Variants in CTDSPL2 observed in about 807,000 individuals in gnomAD.
CTDSPL2 encodes the protein CTD small phosphatase like 2.
Under a neutral mutation model 60.0 loss-of-function variants are expected in CTDSPL2, and 5 were observed. The ratio of observed to expected loss-of-function variants is 0.08; its 90% CI spans 0.04 to 0.18. The LOEUF (loss-of-function observed/expected upper bound fraction) is 0.18, where lower values mean the gene tolerates loss of function less well. Ranked by LOEUF, CTDSPL2 falls within the 10% of genes least tolerant of loss-of-function variation. The pLI is 1.00. For synonymous variants in CTDSPL2, 186 were observed against 189.3 expected (o/e 0.98, Z 0.14); for missense variants, 370 against 548.8 (o/e 0.67, Z 3.26).
At chr15:44,508,572 A>G (rs919659703) in intron 8 of CTDSPL2, among the ~76,000 whole-genome samples, 9 of 152,120 alleles carry the variant, frequency 5.9e-5, no homozygotes, top group East Asian at 1.9e-4. Flanking sequence ...TATTGCCACA[A>G]TGTAGCAATA....
intron 1 of CTDSPL2, among the ~76,000 whole-genome samples, chr15:44,435,353 T>C (rs1464383828): frequency 2.0e-5 from 3 of 151,306 alleles, no homozygotes; most frequent in African/African-American, 7.3e-5. Flanking sequence ...GTGGATCACC[T>C]TAGGTCAGGA....
At position 44,524,690 on chromosome 15, in the gene CTDSPL2, T is replaced by C. The variant is rs2140877668; in HGVS notation, c.*516T>C. The stretch of plus-strand genomic sequence containing the variant: ...GACCTGTATTAGATTAGAATTTCAT[T>C]ATGCATTCCTTTTAGTTGAGGCGCT... On this transcript the variant is annotated 3_prime_UTR_variant, in exon 13 of 13. Transcript: ENST00000260327. The C allele has an allele frequency of 6.5e-6, 1 of 152,908 alleles. No individual in the cohort carries two copies. Among genetic ancestry groups the C allele is most frequent in the East Asian group, 1.9e-4 (1 of 5,190 alleles). The allele number at this position is 152,908 out of a possible 1,614,324, so 9.5% of individuals were successfully genotyped here. A position where few individuals can be genotyped will look rare whatever the true frequency, so the allele number is the denominator to read the frequency against.
intron 1 of CTDSPL2, among the ~76,000 whole-genome samples, chr15:44,452,588 G>C (rs2080354046): frequency 6.6e-6 from 1 of 152,002 alleles, no homozygotes; most frequent in Non-Finnish European, 1.5e-5. Flanking sequence ...AAAGAGTTTG[G>C]TGTATATTTA....
At chr15:44,464,224 C>G (rs1415888126) in intron 2 of CTDSPL2, among the ~76,000 whole-genome samples, 2 of 152,154 alleles carry the variant, frequency 1.3e-5, no homozygotes, top group African/African-American at 4.8e-5. Context: ...AAGCACTGTC[C>G]TCAGTGTTTA....
At chr15:44,443,362 T>G (rs1380753905) in intron 1 of CTDSPL2, among the ~76,000 whole-genome samples, 1 of 152,228 alleles carries the variant, frequency 6.6e-6, no homozygotes, top group Non-Finnish European at 1.5e-5. Context: ...AATGCTGCTA[T>G]GAATATGGAT....
At position 44,486,639 on chromosome 15, in the gene CTDSPL2, T is replaced by C; in HGVS notation, c.414T>C (p.Thr138=). The change falls in exon 4 of 13, where the codon ACT becomes ACC. Residue 138 remains threonine, a synonymous_variant. Transcript: ENST00000260327. ...CTTCCTCTGGCAGTCCTCCAAGGAC[T>C]ACTTTGTTGGGGACCATATTTTCAC... ...DNPSSGSPPR[T]TLLGTIFSPV... is the part of the protein sequence containing the mutation. 8.8e-6 allele frequency: 14 copies of C among 1,598,276 alleles called. No individual in the cohort carries two copies. The highest frequency in any genetic ancestry group is 1.2e-5 in the Non-Finnish European group (14 of 1,174,062).
At chr15:44,496,735 C>G (rs776270745) in intron 6 of CTDSPL2, among the ~76,000 whole-genome samples, 12 of 152,098 alleles carry the variant, frequency 7.9e-5, no homozygotes, top group Non-Finnish European at 1.5e-4. Flanking sequence ...GTGGCACATG[C>G]CTGTAGTCCC....
At chr15:44,461,598 A>T (rs1595720760) in intron 2 of CTDSPL2, among the ~76,000 whole-genome samples, 1 of 112,648 alleles carries the variant, frequency 8.9e-6, no homozygotes, top group Admixed American at 9.6e-5. Flanking sequence ...TTTTTTTTTT[A>T]AAGAGATGAG....
intron 2 of CTDSPL2, among the ~76,000 whole-genome samples, chr15:44,472,936 C>T (rs1294510913): frequency 1.3e-5 from 2 of 152,214 alleles, no homozygotes; most frequent in African/African-American, 2.4e-5. Context: ...GCTGGGATTA[C>T]AGGCTTGAGT....
intron 5 of CTDSPL2, among the ~76,000 whole-genome samples, chr15:44,494,323 A>C (rs1595756870): frequency 6.6e-6 from 1 of 152,314 alleles, no homozygotes; most frequent in East Asian, 1.9e-4. Flanking sequence ...AAGTCTTCTA[A>C]GCAGTGATTT....
intron 11 of CTDSPL2, 120 bp downstream of exon 11, chr15:44,519,415 A>G: frequency 1.1e-6 from 1 of 894,442 alleles, no homozygotes; most frequent in Non-Finnish European, 1.7e-6. Flanking sequence ...TTTCCCTTTA[A>G]TGTGTCATTT....
intron 8 of CTDSPL2, 33 bp downstream of exon 8, chr15:44,499,846 G>C (rs761538107): frequency 1.6e-6 from 2 of 1,226,082 alleles, no homozygotes; most frequent in African/African-American, 1.5e-5. Flanking sequence ...TTTTTGGCCT[G>C]ATAGGTAACA....
intron 8 of CTDSPL2, among the ~76,000 whole-genome samples, chr15:44,505,015 C>T (rs556918692): frequency 1.8e-4 from 28 of 151,666 alleles, no homozygotes; most frequent in African/African-American, 6.8e-4. Flanking sequence ...TATTAATTGG[C>T]TAAAAAAAGG....
chr15:44,437,477 A>G (rs2080001035), intron 1 of CTDSPL2, among the ~76,000 whole-genome samples: 1 of 152,230 alleles, frequency 6.6e-6, no homozygotes, highest in Non-Finnish European at 1.5e-5. Flanking sequence ...GCTTGGTATC[A>G]TGGATTTTGT....
chr15:44,486,395 A>T (rs574799219), intron 3 of CTDSPL2, among the ~76,000 whole-genome samples, 156 bp from the exon 4 acceptor site: 2 of 152,236 alleles, frequency 1.3e-5, no homozygotes, highest in African/African-American at 4.8e-5. Flanking sequence ...ATTTACCTCA[A>T]TGTTTCTTTA....
intron 1 of CTDSPL2, among the ~76,000 whole-genome samples, chr15:44,457,509 T>C (rs2080472128): frequency 6.6e-6 from 1 of 151,970 alleles, no homozygotes; most frequent in African/African-American, 2.4e-5. Context: ...TTTGATTTTA[T>C]ATCCAGACTA....
intron 2 of CTDSPL2, among the ~76,000 whole-genome samples, chr15:44,474,184 C>G (rs1291902871): frequency 6.6e-6 from 1 of 152,170 alleles, no homozygotes; most frequent in Non-Finnish European, 1.5e-5. Flanking sequence ...TCATCAAGAA[C>G]TTTCTTGGGG....
chr15:44,456,085 C>T (rs1483152682), intron 1 of CTDSPL2, among the ~76,000 whole-genome samples: 4 of 151,754 alleles, frequency 2.6e-5, no homozygotes, highest in South Asian at 2.1e-4. Flanking sequence ...CTCCTGACCT[C>T]GTGATCCACC....
intron 5 of CTDSPL2, among the ~76,000 whole-genome samples, chr15:44,494,257 A>T (rs1228518973): frequency 6.6e-6 from 1 of 152,182 alleles, no homozygotes; most frequent in Non-Finnish European, 1.5e-5. Context: ...ATGGCATGCA[A>T]TATAGAATTA....
Sources: allele counts gnomAD v4.1 joint callset (sites outside exome capture counted in the v4.1 genomes callset), GRCh38; gene constraint gnomAD v4.1.1; transcripts MANE v1.5; gene names NCBI Gene and HGNC (gene_info 2026-07-23, HGNC 2026-07-21).